PDZRN3: variants seen among roughly 807,000 people sequenced by gnomAD.
PDZRN3 encodes E3 ubiquitin-protein ligase PDZRN3.
PDZRN3 carries 38 observed loss-of-function variants against 85.7 expected under a neutral mutation model. The observed-to-expected ratio is 0.44, with a 90% CI of 0.34 to 0.58. The LOEUF is 0.58. Ranked by LOEUF, PDZRN3 falls within the 20% of genes least tolerant of loss-of-function variation. The probability of loss-of-function intolerance (pLI) is 0.01; values close to 1 mark genes in which losing one functional copy is unlikely to be tolerated. For missense variants in PDZRN3, 1,629 were observed against 1,506.4 expected (o/e 1.08, Z -1.35); for synonymous variants, 759 against 638.0 (o/e 1.19, Z -2.86).
chr3:73,447,326 C>G (rs1363519547), intron 3 of PDZRN3, among the ~76,000 whole-genome samples: 2 of 152,000 alleles, frequency 1.3e-5, no homozygotes, highest in Non-Finnish European at 2.9e-5. Flanking sequence ...CCCACTCGTG[C>G]TGTCTGTCCT....
At chr3:73,403,181 T>C (rs1325959047) in intron 4 of PDZRN3, among the ~76,000 whole-genome samples, 2 of 152,070 alleles carry the variant, frequency 1.3e-5, no homozygotes, top group Non-Finnish European at 2.9e-5. Flanking sequence ...CTCCTGAACT[T>C]GTGATCCACC....
In PDZRN3 at chr3:73,404,288, G is replaced by A. The variant is rs748643155; in HGVS notation, c.1026C>T (p.Thr342=). The change falls in exon 4 of 10, where the codon ACC becomes ACT. Residue 342 remains threonine (T), a synonymous_variant. Transcript: ENST00000263666. ...VVQVLRRTPR[T]KMFTPPSESQ... ...ACTCTGATGGAGGCGTGAACATTTT[G>A]GTCCTTGGTGTTCTTCTCAACACCT... 1.2e-6 allele frequency: 2 copies of A among 1,614,132 alleles called. No homozygotes were observed. The highest frequency in any genetic ancestry group is 1.7e-6 in the Non-Finnish European group (2 of 1,180,028).
chr3:73,411,601 C>T (rs1396771925), intron 3 of PDZRN3, among the ~76,000 whole-genome samples: 1,624 of 152,164 alleles, frequency 0.011, 19 homozygotes, highest in African/African-American at 0.037. Context: ...GGTCGGGAGT[C>T]CACCATAGTG....
At chr3:73,528,916 A>ACACG (rs1704589204) in intron 3 of PDZRN3, among the ~76,000 whole-genome samples, 2 of 151,212 alleles carry the variant, frequency 1.3e-5, no homozygotes, top group East Asian at 3.9e-4. Flanking sequence ...ACACACACAC[A>ACACG]CGCACATGCA....
Position 73,562,997 on chromosome 3 carries a change from ATATATATATATATATATTTTTT to A in PDZRN3, c.918+39335_918+39356del, listed in dbSNP as rs1409364308. 2.3e-3 allele frequency among the ~76,000 whole-genome samples: 72 copies of A among 30,692 alleles called. 5 individuals are homozygous for A. Among genetic ancestry groups the A allele is most frequent in the Admixed American group, 5.0e-3 (12 of 2,420 alleles). 20.1% of individuals were successfully genotyped at this position (30,692 alleles called of 152,430 possible). ...AAGTTGGCAAATTATATATATATAT[ATATATATATATATATATTTTTT>A]TTTTTTTTTTTTTTTTTGAGACAGA... is the stretch of plus-strand genomic sequence containing the variant. On this transcript the variant is annotated intron_variant, in intron 3 of 9. Transcript: ENST00000263666.
At chr3:73,595,097 T>C (rs34917666) in intron 3 of PDZRN3, among the ~76,000 whole-genome samples, 4 of 152,194 alleles carry the variant, frequency 2.6e-5, no homozygotes, top group African/African-American at 7.2e-5. Flanking sequence ...GGTGATGTCA[T>C]TGTCGTTATG....
In PDZRN3 at chr3:73,383,862, G is replaced by C. The variant is rs1451596664; in HGVS notation, c.2704C>G (p.Leu902Val). The change falls in exon 10 of 10, where the codon CTG becomes GTG. Residue 902 changes from leucine (L) to valine (V), a missense_variant. Physicochemically the swap from Leu to Val is conservative, Grantham distance 32. Transcript: ENST00000263666. ...CTCAGGTCCTTGCACATGCTCACCAGGCTCATCTGGCTTTGCGCGTACTCC... is the reference window on the plus strand; with the variant it reads ...CTCAGGTCCTTGCACATGCTCACCACGCTCATCTGGCTTTGCGCGTACTCC... ...AVEYAQSQMS[L>V]VSMCKDLSSP... The C allele has an allele frequency of 6.8e-6, 11 of 1,613,718 alleles. No individual in the cohort carries two copies. The highest frequency in any genetic ancestry group is 8.5e-6 in the Non-Finnish European group (10 of 1,180,020).
chr3:73,420,560 A>G (rs367709080), intron 3 of PDZRN3, among the ~76,000 whole-genome samples: 1 of 152,174 alleles, frequency 6.6e-6, no homozygotes, highest in Admixed American at 6.5e-5. Flanking sequence ...CTTATTCTCC[A>G]CTGTTCCTTT....
At chr3:73,603,072 TC>T (rs1702538919) in intron 2 of PDZRN3, among the ~76,000 whole-genome samples, 1 of 152,260 alleles carries the variant, frequency 6.6e-6, no homozygotes, top group Admixed American at 6.5e-5. Flanking sequence ...TATGTACATT[TC>T]AAAGATATTG....
intron 3 of PDZRN3, chr3:73,474,519 C>T: frequency 1.6e-6 from 2 of 1,287,784 alleles, no homozygotes; most frequent in Non-Finnish European, 2.0e-6. Flanking sequence ...TAAGATCATC[C>T]TCTTGTGTTC....
At chr3:73,523,217 G>A (rs1241568718) in intron 3 of PDZRN3, among the ~76,000 whole-genome samples, 1 of 151,982 alleles carries the variant, frequency 6.6e-6, no homozygotes, top group Admixed American at 6.5e-5. Context: ...GGTAGAGACG[G>A]GATTTCACTA....
chr3:73,603,027 C>T (rs192273493), intron 2 of PDZRN3, among the ~76,000 whole-genome samples: 1 of 152,134 alleles, frequency 6.6e-6, no homozygotes, highest in South Asian at 2.1e-4. Context: ...AGTTCTAGGG[C>T]AAATCCCTAA....
chr3:73,429,197 C>A (rs1702380949), intron 3 of PDZRN3, among the ~76,000 whole-genome samples: 1 of 152,210 alleles, frequency 6.6e-6, no homozygotes. Flanking sequence ...AGGGCATGAG[C>A]TTCCATGCCT....
chr3:73,573,352 G>A (rs1271392721), intron 3 of PDZRN3, among the ~76,000 whole-genome samples: 2 of 152,182 alleles, frequency 1.3e-5, no homozygotes, highest in Non-Finnish European at 2.9e-5. Context: ...AAAGTGAGGG[G>A]CAAAGTGTCC....
rs752178839 is a variant in PDZRN3 at position 73,384,485 on chromosome 3, C to A, written c.2081G>T (p.Ser694Ile). 2.6e-5 allele frequency: 42 copies of A among 1,613,382 alleles called. 1 individual carries two copies. Among genetic ancestry groups the A allele is most frequent in the Non-Finnish European group, 3.5e-5 (41 of 1,180,032 alleles). The change falls in exon 10 of 10, where the codon AGC becomes ATC. Residue 694 changes from serine (S) to isoleucine (I), a missense_variant. By Grantham distance (142) the Ser-to-Ile change is moderately radical. Coordinates refer to ENST00000263666, the MANE Select transcript of PDZRN3 (RefSeq NM_015009.3). Reference sequence around the variant, plus strand: ...GATGCTCAGGCACTCCAGCTCGATGCTGCGCAGCTCTTCGTTCAGCAGCTC... The same window carrying A: ...GATGCTCAGGCACTCCAGCTCGATGATGCGCAGCTCTTCGTTCAGCAGCTC... ...ELELLNEELR[S>I]IELECLSIVR...
intron 3 of PDZRN3, among the ~76,000 whole-genome samples, chr3:73,533,191 CTTAA>C (rs1704699331): frequency 6.6e-6 from 1 of 152,222 alleles, no homozygotes; most frequent in Non-Finnish European, 1.5e-5. Context: ...AGCAATCTCT[CTTAA>C]TTAAGTTAAC....
chr3:73,451,311 A>G (rs1490491387), intron 3 of PDZRN3, among the ~76,000 whole-genome samples: 2 of 152,208 alleles, frequency 1.3e-5, no homozygotes, highest in Non-Finnish European at 1.5e-5. Flanking sequence ...GGTACAGTCA[A>G]TATTTGTGTT....
At chr3:73,518,277 C>T (rs1410667250) in intron 3 of PDZRN3, among the ~76,000 whole-genome samples, 1 of 152,152 alleles carries the variant, frequency 6.6e-6, no homozygotes, top group Non-Finnish European at 1.5e-5. Flanking sequence ...TGTATGATAC[C>T]ACCTATGTGG....
At chr3:73,569,674 T>A (rs1307638393) in intron 3 of PDZRN3, among the ~76,000 whole-genome samples, 2 of 152,146 alleles carry the variant, frequency 1.3e-5, no homozygotes, top group Non-Finnish European at 2.9e-5. Flanking sequence ...TCCTCCCTAG[T>A]GCTTAGCACA....
Sources: gnomAD v4.1 joint callset for allele counts (sites outside exome capture counted in the v4.1 genomes callset) on GRCh38, gnomAD v4.1.1 for gene constraint, MANE v1.5 for transcripts, NCBI Gene and HGNC (gene_info 2026-07-23, HGNC 2026-07-21) for gene names.